The following MAML2 variants were observed in gnomAD, a reference collection of about 807,000 sequenced individuals.
The protein encoded by MAML2 is mastermind like transcriptional coactivator 2.
In MAML2, 22 loss-of-function variants were observed where a neutral mutation model predicts 96.1. The ratio of observed to expected loss-of-function variants is 0.23; its 90% CI spans 0.16 to 0.33. MAML2 has a LOEUF of 0.33. MAML2 is among the 10% of genes least tolerant of loss of function. The pLI, the probability that MAML2 is intolerant of heterozygous loss-of-function variation, is 1.00. For missense variants in MAML2, 1,367 were observed against 1,392.4 expected, an observed-to-expected ratio of 0.98 and a Z score of 0.29; for synonymous variants, 561 against 521.3, an observed-to-expected ratio of 1.08 and a Z score of -1.04.
intron 1 of MAML2, among the ~76,000 whole-genome samples, chr11:96,262,796 A>C (rs973306050): frequency 6.6e-6 from 1 of 152,216 alleles, no homozygotes; most frequent in African/African-American, 2.4e-5. Context: ...TTTACTGCCC[A>C]AAGAATGGCA....
intron 1 of MAML2, among the ~76,000 whole-genome samples, chr11:96,233,656 G>T (rs115248124): frequency 0.17 from 26,323 of 152,070 alleles, 2,700 homozygotes; most frequent in Non-Finnish European, 0.23. Context: ...CTATCTTCCT[G>T]CCTCTGCCTC....
At chr11:96,129,729 T>G (rs988074263) in intron 1 of MAML2, among the ~76,000 whole-genome samples, 6 of 152,180 alleles carry the variant, frequency 3.9e-5, no homozygotes, top group Non-Finnish European at 7.4e-5. Context: ...AACATCCAGA[T>G]AGTGAACACA....
rs1054264742 is a variant in MAML2 at position 96,176,528 on chromosome 11, C to T, written c.514-83011G>A. On this transcript the variant is annotated intron_variant, in intron 1 of 4. Coordinates refer to ENST00000524717, the MANE Select transcript of MAML2 (RefSeq NM_032427.4). ...GCTGCTGATGGTCAGTAGGAAGGAC[C>T]GCTTTTGGATGGGGCACAGAGTCTT... Among the ~76,000 whole-genome samples, 7 of 152,134 alleles carry T rather than the reference C, an allele frequency of 4.6e-5. No individual in the cohort carries two copies. The East Asian group carries it at 5.8e-4, about 13-fold the overall frequency.
chr11:96,194,000 C>A (rs533261878), intron 1 of MAML2, among the ~76,000 whole-genome samples: 4 of 152,328 alleles, frequency 2.6e-5, no homozygotes, highest in Middle Eastern at 3.4e-3. Context: ...TCCAAGCATC[C>A]TTTTTATGTC....
At chr11:96,293,662 A>C (rs1188715694) in intron 1 of MAML2, among the ~76,000 whole-genome samples, 2 of 152,172 alleles carry the variant, frequency 1.3e-5, no homozygotes, top group Non-Finnish European at 2.9e-5. Flanking sequence ...AAAATGAGAC[A>C]CAGCCAAACA....
At chr11:96,261,492 C>T (rs1862748946) in intron 1 of MAML2, among the ~76,000 whole-genome samples, 1 of 152,180 alleles carries the variant, frequency 6.6e-6, no homozygotes, top group African/African-American at 2.4e-5. Context: ...ATAGCTATAA[C>T]CGTAGAATTG....
chr11:96,249,908 G>A (rs1018283196), intron 1 of MAML2, among the ~76,000 whole-genome samples: 4 of 152,096 alleles, frequency 2.6e-5, no homozygotes, highest in Non-Finnish European at 4.4e-5. Flanking sequence ...CCAAATCTTC[G>A]TATTGGTCTA....
At chr11:96,042,150 G>T (rs896989530) in intron 2 of MAML2, among the ~76,000 whole-genome samples, 5 of 152,020 alleles carry the variant, frequency 3.3e-5, no homozygotes, top group African/African-American at 1.2e-4. Flanking sequence ...CTAATTTTTT[G>T]TATTTTTAGT....
intron 2 of MAML2, among the ~76,000 whole-genome samples, chr11:96,002,639 GGATGATGAGGAT>G (rs1283264218): frequency 2.1e-5 from 3 of 143,064 alleles, no homozygotes; most frequent in African/African-American, 7.9e-5. Flanking sequence ...ATGATGATGG[GGATGATGAGGAT>G]GATGATGGGG....
In MAML2 at chr11:96,092,937, T is replaced by C. The variant is rs766701474; in HGVS notation, c.1094A>G (p.Lys365Arg). The stretch of plus-strand genomic sequence containing the variant: ...AGTCAAGCCCGGTGAGTATTCACTT[T>C]TGATCACTATTTTCTCCATGGGTAA... Reference protein sequence around the residue: ...PSLPMEKIVIKSEYSPGLTQG... With the variant: ...PSLPMEKIVIRSEYSPGLTQG... Residue 365 changes from lysine to arginine, a missense_variant, in exon 2 of 5, where the codon AAA (lysine) becomes AGA (arginine). Lys to Arg is a conservative substitution (Grantham distance 26). Transcript: ENST00000524717. This position sits in a 1 kb window ranked among gnomAD's most constrained non-coding sequence, Gnocchi z 4.1. 1 of 1,611,402 alleles carries C rather than the reference T, an allele frequency of 6.2e-7. No individual in the cohort carries two copies. The highest frequency in any genetic ancestry group is 8.5e-7 in the Non-Finnish European group (1 of 1,178,536).
intron 1 of MAML2, among the ~76,000 whole-genome samples, chr11:96,267,554 C>CGTAA (rs1425106094): frequency 2.6e-5 from 4 of 152,290 alleles, no homozygotes; most frequent in Middle Eastern, 3.4e-3. Context: ...TAATGCTTAC[C>CGTAA]GCACATGGTG....
chr11:96,330,903 T>G (rs1863845079), intron 1 of MAML2, among the ~76,000 whole-genome samples: 1 of 152,158 alleles, frequency 6.6e-6, no homozygotes, highest in Non-Finnish European at 1.5e-5. Flanking sequence ...GCATCCATTT[T>G]TTGATGCCAG....
intron 1 of MAML2, among the ~76,000 whole-genome samples, chr11:96,212,300 T>C (rs1398807286): frequency 6.6e-6 from 1 of 151,074 alleles, no homozygotes; most frequent in Non-Finnish European, 1.5e-5. Flanking sequence ...GTCAGATAGA[T>C]GGTAACTGAG....
At position 96,341,489 on chromosome 11, in the gene MAML2, T is replaced by C; in HGVS notation, c.407A>G (p.Gln136Arg). 1.9e-6 allele frequency: 3 copies of C among 1,551,240 alleles called. No homozygotes were observed. Among genetic ancestry groups the C allele is most frequent in the Non-Finnish European group, 2.6e-6 (3 of 1,146,906 alleles). Residue 136 changes from glutamine (Q) to arginine (R), a missense_variant, in exon 1 of 5, where the codon CAG becomes CGG. Gln to Arg is a conservative substitution (Grantham distance 43). Coordinates refer to ENST00000524717, the MANE Select transcript of MAML2 (RefSeq NM_032427.4). ...ATTATTGCTACTGTTCAGCAGGTGC[T>C]GCTGGTGGTGATGGTGATAGTCTGG... ...PPPDYHHHHQ[Q>R]HLLNSSNNGG...
intron 1 of MAML2, among the ~76,000 whole-genome samples, chr11:96,145,732 G>A (rs1411108604): frequency 1.3e-5 from 2 of 152,184 alleles, no homozygotes; most frequent in African/African-American, 4.8e-5. Flanking sequence ...ACTTGTTCGG[G>A]CGTGGTGGCT....
At chr11:96,184,139 A>T (rs571196005) in intron 1 of MAML2, among the ~76,000 whole-genome samples, 10 of 152,332 alleles carry the variant, frequency 6.6e-5, no homozygotes, top group African/African-American at 2.4e-4. Context: ...CCTAAAAAGC[A>T]ACATTAGAAA....
At chr11:96,083,403 C>A (rs148831679) in intron 2 of MAML2, among the ~76,000 whole-genome samples, 1 of 152,126 alleles carries the variant, frequency 6.6e-6, no homozygotes, top group South Asian at 2.1e-4. Context: ...TATGATTTCC[C>A]CAGCATATAG....
rs1012484607 is a variant in MAML2 at position 96,128,057 on chromosome 11, C to T, written c.514-34540G>A. 3.9e-5 allele frequency among the ~76,000 whole-genome samples: 6 copies of T among 152,096 alleles called. No homozygotes were observed. The East Asian group carries it at 5.8e-4, about 15-fold the overall frequency. ...ATTCTGATTCAGCAGGTACAGGATG[C>T]GGACTGGGTGTCTGGGTCTAAAAAG... On this transcript the variant is annotated intron_variant, in intron 1 of 4. Coordinates refer to ENST00000524717, the MANE Select transcript of MAML2 (RefSeq NM_032427.4).
intron 1 of MAML2, among the ~76,000 whole-genome samples, chr11:96,162,690 C>A (rs549741): frequency 1 from 147,821 of 147,824 alleles, 73,909 homozygotes; most frequent in Middle Eastern, 1. Flanking sequence ...CAGCCTGGGC[C>A]AAAAGAGTAA....
Sources: allele counts gnomAD v4.1 joint callset (sites outside exome capture counted in the v4.1 genomes callset), GRCh38; gene constraint gnomAD v4.1.1; non-coding constraint Gnocchi (gnomAD v3.1); transcripts MANE v1.5; gene names NCBI Gene and HGNC (gene_info 2026-07-23, HGNC 2026-07-21).